ARHGAP26: variants seen among roughly 807,000 people sequenced by gnomAD.
ARHGAP26 encodes rho GTPase-activating protein 26.
In ARHGAP26, 38 loss-of-function variants were observed where a neutral mutation model predicts 104.8. The observed-to-expected ratio is 0.36, with a 90% CI of 0.28 to 0.48. The LOEUF (loss-of-function observed/expected upper bound fraction) is 0.48, where lower values mean the gene tolerates loss of function less well. ARHGAP26 is among the 20% of genes least tolerant of loss of function. ARHGAP26 has a pLI of 0.99. For missense variants in ARHGAP26, 704 were observed against 947.9 expected (o/e 0.74, Z 3.38); for synonymous variants, 341 against 340.0 (o/e 1.00, Z -0.03).
At chr5:142,930,467 A>C (rs546319795) in intron 10 of ARHGAP26, among the ~76,000 whole-genome samples, 1 of 152,240 alleles carries the variant, frequency 6.6e-6, no homozygotes, top group Non-Finnish European at 1.5e-5. Context: ...CTTCTGAGTC[A>C]TCTTTGTATT....
intron 11 of ARHGAP26, among the ~76,000 whole-genome samples, chr5:142,960,868 C>T (rs890387778): frequency 6.6e-6 from 1 of 152,172 alleles, no homozygotes; most frequent in Non-Finnish European, 1.5e-5. Context: ...TTCTGCTGGT[C>T]TTCAGTGTTC....
intron 5 of ARHGAP26, among the ~76,000 whole-genome samples, chr5:142,891,955 A>T (rs943617700): frequency 1.3e-5 from 2 of 151,964 alleles, no homozygotes; most frequent in African/African-American, 4.9e-5. Context: ...CCAGCATAGC[A>T]TCTTGCAACT....
At chr5:142,816,903 G>T (rs890684455) in intron 1 of ARHGAP26, among the ~76,000 whole-genome samples, 1 of 152,118 alleles carries the variant, frequency 6.6e-6, no homozygotes, top group Non-Finnish European at 1.5e-5. Flanking sequence ...AGCAGCGGGA[G>T]GGGGAGCAGG....
chr5:142,975,981 G>T (rs886067737), intron 11 of ARHGAP26, among the ~76,000 whole-genome samples: 1 of 152,162 alleles, frequency 6.6e-6, no homozygotes, highest in Non-Finnish European at 1.5e-5. Context: ...AAAACTCTCC[G>T]TGGAACTTAG....
At chr5:142,991,114 G>C (rs1775547968) in intron 11 of ARHGAP26, among the ~76,000 whole-genome samples, 1 of 152,184 alleles carries the variant, frequency 6.6e-6, no homozygotes, top group South Asian at 2.1e-4. Flanking sequence ...GCTCCACCCA[G>C]TTCGAGCTTC....
intron 11 of ARHGAP26, among the ~76,000 whole-genome samples, chr5:142,989,344 G>C (rs1449283593): frequency 2.6e-5 from 4 of 151,996 alleles, no homozygotes; most frequent in Admixed American, 2.6e-4. Context: ...CATTTGCTTG[G>C]TAGATCTTCC....
chr5:143,227,867 A>G lies in ARHGAP26; in HGVS notation c.*5421A>G. The stretch of plus-strand genomic sequence containing the variant: ...TTATGCTTACTGAGGAGAAAAAAAA[A>G]AGCGATCACAGAAAAATTTCACAGC... On this transcript the variant is annotated 3_prime_UTR_variant, in exon 23 of 23. Transcript: ENST00000645722. 4.5e-6 allele frequency: 1 copy of G among 222,666 alleles called. No homozygotes were observed. Among genetic ancestry groups the G allele is most frequent in the East Asian group, 6.6e-5 (1 of 15,258 alleles). 13.8% of individuals were successfully genotyped at this position (222,666 alleles called of 1,614,324 possible).
chr5:143,069,387 A>C (rs918373471), intron 17 of ARHGAP26, among the ~76,000 whole-genome samples: 1 of 152,086 alleles, frequency 6.6e-6, no homozygotes, highest in Admixed American at 6.6e-5. Context: ...GAAAATATCC[A>C]GGTAACTCAT....
At chr5:143,095,430 T>C (rs1223894888) in intron 17 of ARHGAP26, among the ~76,000 whole-genome samples, 1 of 152,204 alleles carries the variant, frequency 6.6e-6, no homozygotes, top group East Asian at 1.9e-4. Flanking sequence ...ATTAAGGACT[T>C]CAACAGCCTT....
chr5:143,005,909 C>T (rs546979998), intron 11 of ARHGAP26, among the ~76,000 whole-genome samples: 1 of 152,128 alleles, frequency 6.6e-6, no homozygotes, highest in African/African-American at 2.4e-5. Context: ...TGAGATGCCT[C>T]TGATTGTGTA....
At chr5:142,785,437 C>T (rs773254214) in intron 1 of ARHGAP26, among the ~76,000 whole-genome samples, 10 of 152,204 alleles carry the variant, frequency 6.6e-5, no homozygotes, top group South Asian at 2.1e-4. Flanking sequence ...CACTCACTGC[C>T]GAGGGGGCCT....
chr5:142,831,070 C>T (rs894244843), intron 1 of ARHGAP26, among the ~76,000 whole-genome samples: 3 of 152,154 alleles, frequency 2.0e-5, no homozygotes, highest in South Asian at 2.1e-4. Flanking sequence ...TGTGAAATTC[C>T]GATCACAATG....
At chr5:143,192,999 T>C (rs1806169126) in intron 20 of ARHGAP26, among the ~76,000 whole-genome samples, 1 of 152,182 alleles carries the variant, frequency 6.6e-6, no homozygotes, top group Non-Finnish European at 1.5e-5. Context: ...CAGTTACTTA[T>C]GGTCAATGAC....
At position 142,836,440 on chromosome 5, in the gene ARHGAP26, GGCTAATTAGACCACCTAT is replaced by G. The variant is rs565981084; in HGVS notation, c.155-36943_155-36926del. Among the ~76,000 whole-genome samples the G allele has an allele frequency of 6.7e-3, 1,015 of 152,232 alleles. 8 individuals carry two copies. Among genetic ancestry groups the G allele is most frequent in the Middle Eastern group, 0.027 (8 of 294 alleles). Reference sequence around the variant, plus strand: ...GCAGGAGCTCAAAGCCCTTTACCTGGGCTAATTAGACCACCTATGCTAATTAGACCACCTCTTCTCATT... The same window carrying G: ...GCAGGAGCTCAAAGCCCTTTACCTGGGCTAATTAGACCACCTCTTCTCATT... On this transcript the variant is annotated intron_variant, in intron 1 of 22. Transcript: ENST00000645722.
At chr5:142,986,735 T>C (rs969488253) in intron 11 of ARHGAP26, among the ~76,000 whole-genome samples, 2 of 152,204 alleles carry the variant, frequency 1.3e-5, no homozygotes, top group Admixed American at 6.5e-5. Context: ...CTAGCCAGTT[T>C]TCCCAGCACC....
chr5:142,974,345 GTA>G (rs1772718719), intron 11 of ARHGAP26, among the ~76,000 whole-genome samples: 1 of 151,822 alleles, frequency 6.6e-6, no homozygotes, highest in South Asian at 2.1e-4. Flanking sequence ...TCTCGATGGT[GTA>G]TTATTGTTCT....
rs945234747 is a variant in ARHGAP26, at chr5:143,228,259, A to G, written c.*5813A>G. 3.6e-5 allele frequency: 8 copies of G among 224,434 alleles called. No individual in the cohort carries two copies. The highest frequency in any genetic ancestry group is 1.8e-4 in the African/African-American group (8 of 44,860). The allele number at this position is 224,434 out of a possible 1,614,324, so 13.9% of individuals were successfully genotyped here. A position where few individuals can be genotyped will look rare whatever the true frequency, so the allele number is the denominator to read the frequency against. On this transcript the variant is annotated 3_prime_UTR_variant, in exon 23 of 23. Coordinates refer to ENST00000645722, the MANE Select transcript of ARHGAP26 (RefSeq NM_001135608.3). ...TTTATGTGTGTGTGTATGTGTGTGT[A>G]TACAGCACATATTTACATCTATGAA...
chr5:142,982,762 C>A (rs1341201515), intron 11 of ARHGAP26, among the ~76,000 whole-genome samples: 1 of 152,220 alleles, frequency 6.6e-6, no homozygotes, highest in Admixed American at 6.5e-5. Context: ...AAATCACAAG[C>A]TTGGATTGTT....
chr5:143,143,577 C>T (rs1200621053), intron 19 of ARHGAP26, among the ~76,000 whole-genome samples: 2 of 152,220 alleles, frequency 1.3e-5, no homozygotes, highest in African/African-American at 4.8e-5. Context: ...TTTATGGTCC[C>T]TGTCTAAAGC....
Sources: gnomAD v4.1 joint callset for allele counts (sites outside exome capture counted in the v4.1 genomes callset) on GRCh38, gnomAD v4.1.1 for gene constraint, MANE v1.5 for transcripts, NCBI Gene and HGNC (gene_info 2026-07-23, HGNC 2026-07-21) for gene names.